JAM2: variants seen among roughly 807,000 people sequenced by gnomAD.
The protein encoded by JAM2 is junctional adhesion molecule B.
JAM2 carries 17 observed loss-of-function variants against 42.0 expected under a neutral mutation model. The observed-to-expected ratio is 0.40, with a 90% CI of 0.28 to 0.61. The LOEUF is 0.61. JAM2 is among the 20% of genes least tolerant of loss of function. The pLI is 0.37. For missense variants in JAM2, 319 were observed against 358.3 expected (o/e 0.89, Z 0.89); for synonymous variants, 118 against 128.6 (o/e 0.92, Z 0.56).
At chr21:25,688,449 A>G (rs1005439807) in intron 2 of JAM2, among the ~76,000 whole-genome samples, 5 of 152,210 alleles carry the variant, frequency 3.3e-5, no homozygotes, top group Admixed American at 1.3e-4. Flanking sequence ...CCGGAAGGAA[A>G]CCTATCTACA....
chr21:25,699,514 A>C (rs2034114451), intron 5 of JAM2, among the ~76,000 whole-genome samples: 2 of 151,942 alleles, frequency 1.3e-5, no homozygotes, highest in African/African-American at 4.8e-5. Flanking sequence ...CGAGGTCAGG[A>C]GATCAAGACC....
intron 1 of JAM2, among the ~76,000 whole-genome samples, chr21:25,666,553 T>C (rs1484675924): frequency 6.6e-6 from 1 of 152,050 alleles, no homozygotes; most frequent in Non-Finnish European, 1.5e-5. Flanking sequence ...TTTTATTTTT[T>C]TGAGACAAGG....
rs1323360175 is a variant in JAM2 at position 25,639,672 on chromosome 21, G to A, written c.-150G>A. 1.9e-6 allele frequency: 1 copy of A among 533,534 alleles called. No homozygotes were observed. Among genetic ancestry groups the A allele is most frequent in the Non-Finnish European group, 3.3e-6 (1 of 303,730 alleles). The allele number at this position is 533,534 out of a possible 1,614,324, so 33.0% of individuals were successfully genotyped here. A position where few individuals can be genotyped will look rare whatever the true frequency, so the allele number is the denominator to read the frequency against. On this transcript the variant is annotated 5_prime_UTR_variant, in exon 1 of 10. Transcript: ENST00000480456. ...AAGGCGCCCCGGGGAGGGGGAAACT[G>A]ACATCCCATCTAGAGCCGTCCCTCC...
chr21:25,688,243 G>GGTGTGTGTGTGTGTGTGT (rs147927864), intron 2 of JAM2, among the ~76,000 whole-genome samples: 2,394 of 149,772 alleles, frequency 0.016, 49 homozygotes, highest in East Asian at 0.11. Context: ...CACCAGGAGG[G>GGTGTGTGTGTGTGTGTGT]GTGTGTGTGT....
intron 2 of JAM2, among the ~76,000 whole-genome samples, chr21:25,688,081 T>G (rs1318019092): frequency 6.6e-6 from 1 of 152,222 alleles, no homozygotes; most frequent in Non-Finnish European, 1.5e-5. Context: ...TTTGGATGAA[T>G]TGGATAAACC....
chr21:25,672,239 C>A (rs2033379405), intron 1 of JAM2, among the ~76,000 whole-genome samples: 1 of 152,036 alleles, frequency 6.6e-6, no homozygotes, highest in Admixed American at 6.6e-5. Flanking sequence ...TGCATGCCAC[C>A]ACATCCAGGT....
chr21:25,701,653 C>T (rs948645116), intron 5 of JAM2, among the ~76,000 whole-genome samples: 2 of 152,214 alleles, frequency 1.3e-5, no homozygotes, highest in Admixed American at 6.5e-5. Context: ...AATCGACAAT[C>T]CTATAAACCG....
intron 3 of JAM2, among the ~76,000 whole-genome samples, chr21:25,693,059 T>C (rs2033917280): frequency 6.6e-6 from 1 of 152,138 alleles, no homozygotes; most frequent in African/African-American, 2.4e-5. Context: ...TGACTGCATA[T>C]GGACAAAAAC....
intron 1 of JAM2, among the ~76,000 whole-genome samples, chr21:25,675,665 C>G (rs950199858): frequency 5.9e-5 from 9 of 151,916 alleles, no homozygotes; most frequent in Non-Finnish European, 1.2e-4. Context: ...GGGCTACACA[C>G]TTTTAAACAA....
At chr21:25,654,518 C>T (rs576329855) in intron 1 of JAM2, among the ~76,000 whole-genome samples, 10 of 151,870 alleles carry the variant, frequency 6.6e-5, no homozygotes, top group East Asian at 1.9e-4. Flanking sequence ...TGTGGTGGCT[C>T]GTGCCTGTAA....
chr21:25,660,638 T>A (rs911035907), intron 1 of JAM2, among the ~76,000 whole-genome samples: 1 of 151,296 alleles, frequency 6.6e-6, no homozygotes, highest in African/African-American at 2.4e-5. Context: ...AGTGAAAACT[T>A]CATAATTATC....
rs552811090 is a variant in JAM2 at position 25,649,349 on chromosome 21, C to A, written c.67+9461C>A. Among the ~76,000 whole-genome samples, 137 of 152,290 alleles carry A rather than the reference C, an allele frequency of 9.0e-4. 1 individual carries two copies. The highest frequency in any genetic ancestry group is 3.3e-3 in the African/African-American group (136 of 41,560). On this transcript the variant is annotated intron_variant, in intron 1 of 9. Transcript: ENST00000480456. ...CTTACAATCATGGCAGAAGGGGAAG[C>A]AAACACATTCTTCTTTACTTGATGG...
At chr21:25,709,292 A>G in intron 7 of JAM2, 142 bp from the exon 8 acceptor site, 1 of 492,406 alleles carries the variant, frequency 2.0e-6, no homozygotes, top group South Asian at 5.9e-5. Context: ...AAGTTTGCCA[A>G]CTCTTAATTT....
intron 1 of JAM2, among the ~76,000 whole-genome samples, chr21:25,678,080 G>C (rs1049713036): frequency 3.3e-5 from 5 of 152,176 alleles, no homozygotes; most frequent in East Asian, 3.9e-4. Context: ...ACAAAAATTA[G>C]CCGGGTGTGG....
chr21:25,697,972 C>A (rs1052535631), intron 4 of JAM2, among the ~76,000 whole-genome samples: 1 of 151,420 alleles, frequency 6.6e-6, no homozygotes, highest in Non-Finnish European at 1.5e-5. Flanking sequence ...CGCTCTCTCT[C>A]ACACACACAC....
At chr21:25,664,372 G>C (rs1004511351) in intron 1 of JAM2, among the ~76,000 whole-genome samples, 4 of 151,984 alleles carry the variant, frequency 2.6e-5, no homozygotes, top group Non-Finnish European at 5.9e-5. Context: ...AGTAGCTGGG[G>C]CTATAGGCGC....
At chr21:25,669,466 G>C (rs576251698) in intron 1 of JAM2, among the ~76,000 whole-genome samples, 1 of 152,066 alleles carries the variant, frequency 6.6e-6, no homozygotes. Context: ...CCTCATACGC[G>C]ATTATTGTAG....
intron 3 of JAM2, 146 bp from the exon 4 acceptor site, chr21:25,693,610 A>T (rs2033930448): frequency 1.5e-6 from 1 of 669,708 alleles, no homozygotes; most frequent in South Asian, 2.1e-5. Flanking sequence ...AAATAACAGC[A>T]TCTATATACA....
intron 4 of JAM2, 26 bp from the exon 5 acceptor site, chr21:25,698,651 A>G (rs1328131179): frequency 2.5e-6 from 4 of 1,581,616 alleles, no homozygotes; most frequent in Admixed American, 1.7e-5. Flanking sequence ...ATAAATAATC[A>G]ATATCATTTG....
Sources: allele counts gnomAD v4.1 joint callset (sites outside exome capture counted in the v4.1 genomes callset), GRCh38; gene constraint gnomAD v4.1.1; transcripts MANE v1.5; gene names NCBI Gene and HGNC (gene_info 2026-07-23, HGNC 2026-07-21).